CFAP74: variants seen among roughly 807,000 people sequenced by gnomAD.
The protein encoded by CFAP74 is cilia- and flagella-associated protein 74.
CFAP74 carries 124 observed loss-of-function variants against 188.9 expected under a neutral mutation model. The ratio of observed to expected loss-of-function variants is 0.66; its 90% CI spans 0.57 to 0.76. CFAP74 has a LOEUF of 0.76. CFAP74 is among the 30% of genes least tolerant of loss of function. CFAP74 has a pLI of 0.00. For synonymous variants in CFAP74, 956 were observed against 916.7 expected, an observed-to-expected ratio of 1.04 and a Z score of -0.77; for missense variants, 2,198 against 2,165.2, an observed-to-expected ratio of 1.02 and a Z score of -0.30.
At chr1:1,994,086 G>A (rs1392951140) in intron 1 of CFAP74, among the ~76,000 whole-genome samples, 1 of 151,392 alleles carries the variant, frequency 6.6e-6, no homozygotes, top group Non-Finnish European at 1.5e-5. Flanking sequence ...GATCACTTGA[G>A]CCCAGGAGGT....
intron 10 of CFAP74, among the ~76,000 whole-genome samples, chr1:1,969,757 CAG>C (rs1491262413): frequency 6.6e-6 from 1 of 152,076 alleles, no homozygotes; most frequent in African/African-American, 2.4e-5. Context: ...GATCGTGACT[CAG>C]GGGGGTGGGG....
rs369356062 is a variant in CFAP74, at chr1:1,938,628, CACAA to C, written c.3011+223_3011+226del. On this transcript the variant is annotated intron_variant, in intron 25 of 38. Coordinates refer to ENST00000682832, the MANE Select transcript of CFAP74 (RefSeq NM_001304360.2). ...CATATACATACACACCCACGACACA[CACAA>C]ACACACACGTCTGAGTGGGCCCAGA... 2.3e-3 allele frequency among the ~76,000 whole-genome samples: 352 copies of C among 152,352 alleles called. 1 individual carries two copies. Among genetic ancestry groups the C allele is most frequent in the African/African-American group, 7.5e-3 (311 of 41,578 alleles).
At position 1,955,742 on chromosome 1, in the gene CFAP74, G is replaced by A. The variant is rs1042926098; in HGVS notation, c.2125C>T (p.Arg709Trp). ...TTGTCCAGCTTCTCCAGCTCCTTCC[G>A]GCTCTGCATGTCCGCCTGGGAGGAC... ...TESSQADMQS[R>W]KELEKLDKEQ... The change falls in exon 18 of 39, where the codon CGG (arginine) becomes TGG (tryptophan). Residue 709 changes from arginine (R) to tryptophan (W), a missense_variant. By Grantham distance (101) the Arg-to-Trp change is moderately radical. Coordinates refer to ENST00000682832, the MANE Select transcript of CFAP74 (RefSeq NM_001304360.2). The A allele has an allele frequency of 1.1e-5, 17 of 1,614,166 alleles. No individual in the cohort carries two copies. Among genetic ancestry groups the A allele is most frequent in the Middle Eastern group, 1.7e-4 (1 of 6,060 alleles).
At chr1:1,993,326 C>T (rs1657706209) in intron 1 of CFAP74, among the ~76,000 whole-genome samples, 1 of 151,728 alleles carries the variant, frequency 6.6e-6, no homozygotes, top group African/African-American at 2.4e-5. Flanking sequence ...ACTCTGTCAC[C>T]CAGGCTGGAG....
intron 25 of CFAP74, among the ~76,000 whole-genome samples, chr1:1,937,990 A>G (rs1653019175): frequency 6.6e-6 from 1 of 152,080 alleles, no homozygotes; most frequent in African/African-American, 2.4e-5. Flanking sequence ...ATGGTCGCAC[A>G]CTCAAGCACT....
chr1:1,984,567 A>G (rs575032890), intron 6 of CFAP74: 1 of 152,146 alleles, frequency 6.6e-6, no homozygotes, highest in South Asian at 2.1e-4. Flanking sequence ...GGCACTGGAC[A>G]CCAGCTTGGG....
chr1:1,947,436 T>C (rs1653847426), intron 18 of CFAP74, among the ~76,000 whole-genome samples: 1 of 152,262 alleles, frequency 6.6e-6, no homozygotes, highest in African/African-American at 2.4e-5. Context: ...AGCTGTAGCG[T>C]ACTGTTCCCT....
chr1:1,954,987 A>C (rs1366308915), intron 18 of CFAP74: 2 of 1,163,010 alleles, frequency 1.7e-6, no homozygotes, highest in African/African-American at 1.8e-5. Flanking sequence ...AGGCTCTCTC[A>C]GGAAAGGAAA....
rs1294361238 is a variant in CFAP74, at chr1:1,951,466, AATTGTGTGTCT to A, written c.2176+4214_2176+4224del. On this transcript the variant is annotated intron_variant, in intron 18 of 38. Transcript: ENST00000682832. ...CCTCTGTTCAAAACCAGTTGACTAT[AATTGTGTGTCT>A]ATTTTTGGATTCTCTTGTTCCGTTG... 2.0e-5 allele frequency among the ~76,000 whole-genome samples: 3 copies of A among 152,256 alleles called. No homozygotes were observed. In the East Asian group the frequency reaches 5.8e-4, roughly 29 times the overall value.
intron 25 of CFAP74, among the ~76,000 whole-genome samples, chr1:1,938,601 C>T (rs568342140): frequency 6.6e-6 from 1 of 152,268 alleles, no homozygotes; most frequent in South Asian, 2.1e-4. Flanking sequence ...CACACACATG[C>T]TCATATACAT....
chr1:1,929,020 C>T, intron 26 of CFAP74, 138 bp from the exon 27 acceptor site: 3 of 617,198 alleles, frequency 4.9e-6, no homozygotes, highest in Non-Finnish European at 5.7e-6. Flanking sequence ...CTGCGTGCCC[C>T]TTCAGGAAGC....
At chr1:1,947,152 C>G in intron 18 of CFAP74, 98 bp from the exon 19 acceptor site, 3 of 883,864 alleles carry the variant, frequency 3.4e-6, no homozygotes, top group Non-Finnish European at 5.4e-6. Context: ...AAACCCATAT[C>G]CTGGGCTCTG....
At chr1:1,988,844 C>T in intron 3 of CFAP74, 45 bp downstream of exon 3, 1 of 390,710 alleles carries the variant, frequency 2.6e-6, no homozygotes, top group East Asian at 6.3e-5. Context: ...CCACCCCCAC[C>T]CCCACCCCCC....
chr1:1,931,609 C>A (rs1008352367), intron 25 of CFAP74, among the ~76,000 whole-genome samples: 2 of 148,528 alleles, frequency 1.3e-5, no homozygotes, highest in Non-Finnish European at 3.0e-5. Context: ...TGCTGGCGGG[C>A]GCCTGTAGTC....
chr1:1,963,456 C>CA (rs772909618), intron 14 of CFAP74, among the ~76,000 whole-genome samples: 782 of 32,862 alleles, frequency 0.024, 197 homozygotes, highest in East Asian at 0.12. Context: ...GACTCCATCT[C>CA]AAAAAAAAAA....
At chr1:1,953,736 GT>G (rs1654348320) in intron 18 of CFAP74, 1 of 153,620 alleles carries the variant, frequency 6.5e-6, no homozygotes, top group Admixed American at 6.5e-5. Flanking sequence ...TGAATTTGAG[GT>G]GGATCATACA....
chr1:1,960,147 GC>G (rs1410594122), intron 14 of CFAP74, 117 bp from the exon 15 acceptor site: 7 of 827,040 alleles, frequency 8.5e-6, no homozygotes, highest in South Asian at 3.3e-5. Context: ...CCCGGGCCTG[GC>G]CCCCTGCCCA....
Position 1,981,974 on chromosome 1 carries a change from C to T in CFAP74, c.500+3412G>A, listed in dbSNP as rs28629351. On this transcript the variant is annotated intron_variant, in intron 6 of 38. Coordinates refer to ENST00000682832, the MANE Select transcript of CFAP74 (RefSeq NM_001304360.2). ...CAGGACACACAGCCGCGGACAGACA[C>T]GGGGGGCACGCAGGACACCCAGCCG... 7.8e-4 allele frequency among the ~76,000 whole-genome samples: 76 copies of T among 97,856 alleles called. 1 individual carries two copies. Among genetic ancestry groups the T allele is most frequent in the African/African-American group, 3.0e-3 (70 of 23,268 alleles). The allele number at this position is 97,856 out of a possible 152,430, so 64.2% of individuals were successfully genotyped here.
In CFAP74 at chr1:1,946,992, C is replaced by T. The variant is rs1252376355; in HGVS notation, c.2239G>A (p.Glu747Lys). The part of the protein sequence containing the change: ...SEEQTEITLG[E>K]VTEGEIGPFS... Reference sequence around the variant, plus strand: ...TTTTAGGGCCTGAGCTGGCTGACCTCCCCCAGCGTGATCTCCGTCTGCTCT... The same window carrying T: ...TTTTAGGGCCTGAGCTGGCTGACCTTCCCCAGCGTGATCTCCGTCTGCTCT... Residue 747 changes from glutamate (E) to lysine (K), a missense_variant and splice_region_variant, in exon 19 of 39, where the codon GAG becomes AAG. Glu to Lys is a moderately conservative substitution (Grantham distance 56). Transcript: ENST00000682832. The T allele has an allele frequency of 5.2e-6, 8 of 1,535,170 alleles. No homozygotes were observed. The highest frequency in any genetic ancestry group is 7.0e-6 in the Non-Finnish European group (8 of 1,146,166).
Sources: gnomAD v4.1 joint callset for allele counts (sites outside exome capture counted in the v4.1 genomes callset) on GRCh38, gnomAD v4.1.1 for gene constraint, MANE v1.5 for transcripts, NCBI Gene and HGNC (gene_info 2026-07-23, HGNC 2026-07-21) for gene names.